Variants in ACSM4 observed in about 807,000 individuals in gnomAD.
The protein encoded by ACSM4 is acyl-CoA synthetase medium chain family member 4.
A neutral mutation model predicts 73.0 loss-of-function variants in ACSM4; 66 were observed. The ratio of observed to expected loss-of-function variants is 0.90; its 90% confidence interval spans 0.74 to 1.11. The LOEUF is 1.11. Ranked by LOEUF, ACSM4 falls within the 50% of genes least tolerant of loss-of-function variation. The pLI is 0.00. For synonymous variants in ACSM4, 222 were observed against 254.0 expected (o/e 0.87, Z 1.20); for missense variants, 645 against 714.4 (o/e 0.90, Z 1.11).
chr12:7,310,905 C>T (rs888576766), intron 3 of ACSM4, among the ~76,000 whole-genome samples, 159 bp downstream of exon 3: 1 of 152,126 alleles, frequency 6.6e-6, no homozygotes, highest in African/African-American at 2.4e-5. Flanking sequence ...CTGGCTCACA[C>T]CTGTAATCCC....
chr12:7,322,065 C>A (rs1168942563), intron 6 of ACSM4, among the ~76,000 whole-genome samples: 2 of 152,178 alleles, frequency 1.3e-5, no homozygotes, highest in South Asian at 2.1e-4. Flanking sequence ...AAAGCCCTTA[C>A]AACATAGCGA....
At position 7,306,521 on chromosome 12, in the gene ACSM4, G is replaced by A; in HGVS notation, c.202-12G>A. On this transcript the variant is annotated splice_polypyrimidine_tract_variant and intron_variant, in intron 1 of 12. Transcript: ENST00000399422. ...AAACCTACCCCTCTCTTTTCCATGT[G>A]TCCCTGGTCAGACAGGGGAGAGACC... The A allele has an allele frequency of 6.3e-7, 1 of 1,575,212 alleles. No homozygotes were observed. Among genetic ancestry groups the A allele is most frequent in the African/African-American group, 1.3e-5 (1 of 74,104 alleles).
At chr12:7,306,821 C>G in intron 2 of ACSM4, 78 bp downstream of exon 2, 1 of 1,140,382 alleles carries the variant, frequency 8.8e-7, no homozygotes, top group Admixed American at 2.5e-5. Context: ...ATTGTTAGCT[C>G]TGATTAAAAG....
intron 3 of ACSM4, among the ~76,000 whole-genome samples, chr12:7,314,730 T>G (rs1314848420): frequency 6.6e-6 from 1 of 152,166 alleles, no homozygotes; most frequent in African/African-American, 2.4e-5. Context: ...CCACAGGTAT[T>G]AGATTCTGTG....
In ACSM4 at chr12:7,327,041, T is replaced by A. The variant is rs757564832; in HGVS notation, c.1602T>A (p.Leu534=). 10 of 1,612,296 alleles carry A rather than the reference T, an allele frequency of 6.2e-6. No homozygotes were observed. In the Admixed American group the frequency reaches 8.4e-5, roughly 13 times the overall value. ...FKSYNPEKLT[L]ELQDHVKKST... ...CCTACAACCCAGAGAAATTAACTCT[T>A]GAACTTCAGGATCATGTGAAAAAAT... Residue 534 remains leucine, a synonymous_variant, in exon 12 of 13, where the codon CTT becomes CTA. Coordinates refer to ENST00000399422, the MANE Select transcript of ACSM4 (RefSeq NM_001080454.2).
rs781124699 is a variant in ACSM4 at position 7,327,112 on chromosome 12, A to G, written c.1656+17A>G. 1.5e-5 allele frequency: 23 copies of G among 1,583,618 alleles called. No homozygotes were observed. Among genetic ancestry groups the G allele is most frequent in the East Asian group, 2.3e-5 (1 of 44,048 alleles). ...CCAAGAAAGGCAAGTGCTTTGCCCA[A>G]AAGTTAAGTTTGGATGTTACCAAAC... On this transcript the variant is annotated intron_variant, in intron 12 of 12. Coordinates refer to ENST00000399422, the MANE Select transcript of ACSM4 (RefSeq NM_001080454.2).
intron 3 of ACSM4, among the ~76,000 whole-genome samples, chr12:7,314,404 C>T (rs947120935): frequency 5.3e-5 from 8 of 152,096 alleles, no homozygotes; most frequent in Middle Eastern, 3.2e-3. Context: ...AGGCATAACT[C>T]GGAACTCAGG....
At chr12:7,317,405 A>G (rs1276176118) in intron 4 of ACSM4, 125 bp downstream of exon 4, 66 of 1,326,978 alleles carry the variant, frequency 5.0e-5, no homozygotes, top group Non-Finnish European at 6.5e-5. Flanking sequence ...GCTACAAAAC[A>G]GAACTCTTGC....
In ACSM4 at chr12:7,328,334, A is replaced by C. The variant is rs1395279473; in HGVS notation, c.1704A>C (p.Lys568Asn). The C allele has an allele frequency of 1.3e-6, 2 of 1,595,722 alleles. No individual in the cohort carries two copies. The highest frequency in any genetic ancestry group is 2.3e-5 in the South Asian group (2 of 87,424). ...ELPKTITGKI[K>N]RNVLRDQEWR... The stretch of plus-strand genomic sequence containing the variant: ...CAAAGACAATCACTGGGAAAATCAA[A>C]CGCAACGTTTTAAGAGACCAAGAAT... Residue 568 changes from lysine to asparagine, a missense_variant, in exon 13 of 13, where the codon AAA (lysine) becomes AAC (asparagine). Physicochemically the swap from Lys to Asn is moderately conservative, Grantham distance 94 (BLOSUM62 0). Coordinates refer to ENST00000399422, the MANE Select transcript of ACSM4 (RefSeq NM_001080454.2).
chr12:7,305,728 G>A (rs746983566), intron 1 of ACSM4, among the ~76,000 whole-genome samples: 12 of 152,170 alleles, frequency 7.9e-5, no homozygotes, highest in Non-Finnish European at 1.6e-4. Context: ...GAAGTTAGTG[G>A]AGAAACAAAG....
chr12:7,317,985 T>C (rs918402782), intron 4 of ACSM4, 41 bp from the exon 5 acceptor site: 5 of 1,597,854 alleles, frequency 3.1e-6, no homozygotes, highest in Non-Finnish European at 4.3e-6. Flanking sequence ...TTTTTGTTTG[T>C]TTATTTTTGG....
chr12:7,328,194 TTCAG>T, intron 12 of ACSM4, 89 bp from the exon 13 acceptor site: 1 of 925,096 alleles, frequency 1.1e-6, no homozygotes, highest in Non-Finnish European at 1.6e-6. Flanking sequence ...GACTTTAAAA[TTCAG>T]TCTGAGTTCC....
At chr12:7,326,108 G>A (rs112463842) in intron 11 of ACSM4, among the ~76,000 whole-genome samples, 10,849 of 152,270 alleles carry the variant, frequency 0.071, 549 homozygotes, top group Middle Eastern at 0.13. Context: ...TGTCTAACTG[G>A]TGGGTTTGAA....
At chr12:7,322,788 T>TG (rs1946474592) in intron 7 of ACSM4, among the ~76,000 whole-genome samples, 1 of 151,986 alleles carries the variant, frequency 6.6e-6, no homozygotes, top group Non-Finnish European at 1.5e-5. Context: ...CGTTAGCGGG[T>TG]GGGTGAGGTT....
intron 4 of ACSM4, among the ~76,000 whole-genome samples, 155 bp downstream of exon 4, chr12:7,317,435 T>C (rs745620324): frequency 1.3e-5 from 2 of 152,298 alleles, no homozygotes; most frequent in Admixed American, 1.3e-4. Flanking sequence ...CCAACCTAGC[T>C]CAGTAAATGG....
intron 4 of ACSM4, 55 bp from the exon 5 acceptor site, chr12:7,317,971 G>A: frequency 2.5e-6 from 4 of 1,580,878 alleles, no homozygotes; most frequent in Non-Finnish European, 3.5e-6. Flanking sequence ...ATACCAGTTT[G>A]TAATTTTTGT....
Position 7,322,581 on chromosome 12 carries a change from C to T in ACSM4, c.1125+40C>T, listed in dbSNP as rs771976139. 8 of 1,565,406 alleles carry T rather than the reference C, an allele frequency of 5.1e-6. No individual in the cohort carries two copies. The East Asian group carries it at 1.8e-4, about 35-fold the overall frequency. On this transcript the variant is annotated intron_variant, in intron 7 of 12. Coordinates refer to ENST00000399422, the MANE Select transcript of ACSM4 (RefSeq NM_001080454.2). ...CATTTATGTTTAGTATATGTGGGGG[C>T]CTTTCTGCCCCAGGTTTTTCAACTG...
intron 1 of ACSM4, among the ~76,000 whole-genome samples, chr12:7,305,165 G>T (rs1355546433): frequency 1.3e-5 from 2 of 152,316 alleles, no homozygotes; most frequent in East Asian, 3.9e-4. Context: ...TTCCTTGAAA[G>T]CCATTGTGTC....
intron 1 of ACSM4, among the ~76,000 whole-genome samples, chr12:7,306,070 G>A (rs1009046311): frequency 6.6e-6 from 1 of 152,166 alleles, no homozygotes; most frequent in Non-Finnish European, 1.5e-5. Flanking sequence ...ATTTGGATGG[G>A]AAAGAATCTA....
Sources: gnomAD v4.1 joint callset for allele counts (sites outside exome capture counted in the v4.1 genomes callset) on GRCh38, gnomAD v4.1.1 for gene constraint, MANE v1.5 for transcripts, NCBI Gene and HGNC (gene_info 2026-07-23, HGNC 2026-07-21) for gene names.